The following ADAM23 variants were observed in gnomAD, a reference collection of about 807,000 sequenced individuals.
The protein encoded by ADAM23 is disintegrin and metalloproteinase domain-containing protein 23.
A neutral mutation model predicts 120.1 loss-of-function variants in ADAM23; 33 were observed. That is an observed-to-expected ratio of 0.27 (90% CI 0.21 to 0.37). The LOEUF (loss-of-function observed/expected upper bound fraction) is 0.37. Among genes scored for constraint, ADAM23 ranks in the 10% least tolerant of loss-of-function variants. ADAM23 has a pLI of 1.00. For missense variants in ADAM23, 862 were observed against 1,058.2 expected, an observed-to-expected ratio of 0.81 and a Z score of 2.57; for synonymous variants, 367 against 375.2, an observed-to-expected ratio of 0.98 and a Z score of 0.25.
chr2:206,587,076 G>T (rs895391430), intron 18 of ADAM23, among the ~76,000 whole-genome samples: 20 of 152,126 alleles, frequency 1.3e-4, no homozygotes, highest in Non-Finnish European at 2.9e-4. Flanking sequence ...AATGTGACTT[G>T]TTATTCTGGT....
In ADAM23 at chr2:206,592,658, G is replaced by A. The variant is rs1051923162; in HGVS notation, c.2000G>A (p.Arg667Gln). 1.2e-5 allele frequency: 19 copies of A among 1,613,662 alleles called. No homozygotes were observed. Among genetic ancestry groups the A allele is most frequent in the African/African-American group, 4.0e-5 (3 of 74,794 alleles). The stretch of plus-strand genomic sequence containing the variant: ...TTCTTACTCTGTACCAATCTTACTC[G>A]AGCTCCACGTATTGGTCAACTTCAG... ...CGFLLCTNLT[R>Q]APRIGQLQGE... Residue 667 changes from arginine (R) to glutamine (Q), a missense_variant, in exon 22 of 26, where the codon CGA becomes CAA. Physicochemically the swap from Arg to Gln is conservative, Grantham distance 43. Around this residue, in one of 4 missense-constraint regions of ADAM23, gnomAD observed 617 missense variants for 813.5 expected, o/e 0.76. Coordinates refer to ENST00000264377, the MANE Select transcript of ADAM23 (RefSeq NM_003812.4).
At chr2:206,492,000 A>G (rs955218192) in intron 3 of ADAM23, among the ~76,000 whole-genome samples, 14 of 152,190 alleles carry the variant, frequency 9.2e-5, no homozygotes, top group African/African-American at 3.4e-4. Flanking sequence ...TTATTTCACA[A>G]ATGTTTATTG....
At chr2:206,522,000 G>A (rs976629304) in intron 3 of ADAM23, among the ~76,000 whole-genome samples, 1 of 152,050 alleles carries the variant, frequency 6.6e-6, no homozygotes, top group South Asian at 2.1e-4. Context: ...GCAGCTGTAG[G>A]TTGGTGTATG....
chr2:206,527,435 G>A (rs1574514301), intron 3 of ADAM23, among the ~76,000 whole-genome samples: 2 of 152,094 alleles, frequency 1.3e-5, no homozygotes, highest in East Asian at 3.9e-4. Flanking sequence ...TCCCTTTTTA[G>A]TGTTTCTTGT....
chr2:206,471,043 A>C lies in ADAM23; in HGVS notation c.433-10189A>C, dbSNP rs1343426511. Among the ~76,000 whole-genome samples the C allele has an allele frequency of 2.6e-5, 4 of 152,310 alleles. No homozygotes were observed. The East Asian group carries it at 7.7e-4, about 29-fold the overall frequency. On this transcript the variant is annotated intron_variant, in intron 2 of 25. Coordinates refer to ENST00000264377, the MANE Select transcript of ADAM23 (RefSeq NM_003812.4). ...CTCTGGTATAGAGATCCCAACATAAATCACTGGGTAGAAACAGTATGAAAC... is the reference window on the plus strand; with the variant it reads ...CTCTGGTATAGAGATCCCAACATAACTCACTGGGTAGAAACAGTATGAAAC...
At chr2:206,502,899 A>G (rs936317579) in intron 3 of ADAM23, among the ~76,000 whole-genome samples, 1 of 152,132 alleles carries the variant, frequency 6.6e-6, no homozygotes, top group Non-Finnish European at 1.5e-5. Flanking sequence ...AGAGTACCCT[A>G]TATTGTGTCT....
At position 206,492,707 on chromosome 2, in the gene ADAM23, CATCTCATTA is replaced by C. The variant is rs547097839; in HGVS notation, c.509+11417_509+11425del. The stretch of plus-strand genomic sequence containing the variant: ...TTGTAAGGGCATTAATCTCATTGAT[CATCTCATTA>C]ATCTCATTAATCTCATTGATAAAGG... On this transcript the variant is annotated intron_variant, in intron 3 of 25. Coordinates refer to ENST00000264377, the MANE Select transcript of ADAM23 (RefSeq NM_003812.4). Among the ~76,000 whole-genome samples, 44 of 152,148 alleles carry C rather than the reference CATCTCATTA, an allele frequency of 2.9e-4. No homozygotes were observed. In the East Asian group the frequency reaches 3.1e-3, roughly 11 times the overall value.
rs1195518457 is a variant in ADAM23 at position 206,547,498 on chromosome 2, C to T, written c.790C>T (p.Leu264Phe). 2.5e-6 allele frequency: 4 copies of T among 1,609,074 alleles called. No homozygotes were observed. Among genetic ancestry groups the T allele is most frequent in the Non-Finnish European group, 3.4e-6 (4 of 1,176,068 alleles). ...ACAGTATTCTAAGCAAATGAAGAATCTCAGTAAGTTTTAACTAAAAATAGC... is the reference window on the plus strand; with the variant it reads ...ACAGTATTCTAAGCAAATGAAGAATTTCAGTAAGTTTTAACTAAAAATAGC... ...AGQYSKQMKNLTMERGDQWPF... is the reference protein window; with the variant it reads ...AGQYSKQMKNFTMERGDQWPF... The change falls in exon 7 of 26, where the codon CTC becomes TTC. Residue 264 changes from leucine (L) to phenylalanine (F), a missense_variant. Leu to Phe is a conservative substitution (Grantham distance 22). Around this residue, in one of 4 missense-constraint regions of ADAM23, gnomAD observed 617 missense variants for 813.5 expected, o/e 0.76. Coordinates refer to ENST00000264377, the MANE Select transcript of ADAM23 (RefSeq NM_003812.4).
At chr2:206,594,988 C>A in intron 23 of ADAM23, 83 bp downstream of exon 23, 1 of 1,538,812 alleles carries the variant, frequency 6.5e-7, no homozygotes, top group South Asian at 1.2e-5. Context: ...AGCCATTCTC[C>A]TAGCCAACAT....
At chr2:206,579,865 G>A (rs766872680) in intron 18 of ADAM23, among the ~76,000 whole-genome samples, 1 of 152,066 alleles carries the variant, frequency 6.6e-6, no homozygotes, top group African/African-American at 2.4e-5. Flanking sequence ...GTGAGCATGG[G>A]ATGTATTTCC....
chr2:206,525,835 C>T (rs950283135), intron 3 of ADAM23, among the ~76,000 whole-genome samples: 18 of 152,080 alleles, frequency 1.2e-4, no homozygotes, highest in Non-Finnish European at 4.4e-5. Flanking sequence ...TGTGATCCGC[C>T]TGCCTCAGTC....
At chr2:206,504,639 A>G (rs1696458667) in intron 3 of ADAM23, among the ~76,000 whole-genome samples, 1 of 152,222 alleles carries the variant, frequency 6.6e-6, no homozygotes, top group African/African-American at 2.4e-5. Context: ...AACTTCAGAA[A>G]TGTAGCTATT....
intron 6 of ADAM23, among the ~76,000 whole-genome samples, chr2:206,544,760 C>A (rs1448233099): frequency 6.6e-6 from 1 of 151,896 alleles, no homozygotes; most frequent in Non-Finnish European, 1.5e-5. Context: ...CTACAGGTGC[C>A]CGCCACCGCA....
intron 24 of ADAM23, among the ~76,000 whole-genome samples, chr2:206,601,876 A>T (rs932197877): frequency 2.0e-5 from 3 of 152,174 alleles, no homozygotes; most frequent in Non-Finnish European, 2.9e-5. Flanking sequence ...CAAGCTTATT[A>T]ACTGATCCAT....
intron 1 of ADAM23, among the ~76,000 whole-genome samples, chr2:206,444,776 TAAAAG>T (rs1345946143): frequency 6.6e-6 from 1 of 152,186 alleles, no homozygotes; most frequent in Non-Finnish European, 1.5e-5. Flanking sequence ...ATCTTAAAGT[TAAAAG>T]AGAAGGGAAT....
At chr2:206,608,889 C>T (rs1698778245) in intron 24 of ADAM23, among the ~76,000 whole-genome samples, 1 of 152,162 alleles carries the variant, frequency 6.6e-6, no homozygotes, top group Non-Finnish European at 1.5e-5. Context: ...GGGAAACTAG[C>T]AACATTGGCT....
chr2:206,455,902 G>C (rs80195098), intron 2 of ADAM23, among the ~76,000 whole-genome samples: 47,356 of 151,720 alleles, frequency 0.31, 7,450 homozygotes, highest in African/African-American at 0.34. Context: ...AATCATTCGA[G>C]AGGTCTGTAT....
intron 10 of ADAM23, among the ~76,000 whole-genome samples, chr2:206,558,412 T>G (rs540948700): frequency 2.6e-5 from 4 of 152,314 alleles, no homozygotes; most frequent in Non-Finnish European, 5.9e-5. Flanking sequence ...GCTGCCTTCT[T>G]TTCTGCCTTT....
At chr2:206,566,453 A>G (rs1482153658) in intron 14 of ADAM23, among the ~76,000 whole-genome samples, 2 of 148,000 alleles carry the variant, frequency 1.4e-5, no homozygotes, top group Non-Finnish European at 3.0e-5. Context: ...TTCCTGAGGA[A>G]TAGGTGTGCG....
Sources: gnomAD v4.1 joint callset for allele counts (sites outside exome capture counted in the v4.1 genomes callset) on GRCh38, gnomAD v4.1.1 for gene constraint, gnomAD v4.1.1 regional missense constraint, MANE v1.5 for transcripts, NCBI Gene and HGNC (gene_info 2026-07-23, HGNC 2026-07-21) for gene names.